ARHGEF38: variants seen among roughly 807,000 people sequenced by gnomAD.
ARHGEF38 encodes Rho guanine nucleotide exchange factor (GEF) 38.
A neutral mutation model predicts 79.9 loss-of-function variants in ARHGEF38; 79 were observed. That is an observed-to-expected ratio of 0.99 (90% CI 0.82 to 1.19). The LOEUF (loss-of-function observed/expected upper bound fraction) is 1.19. Ranked by LOEUF, ARHGEF38 falls within the 50% of genes most tolerant of loss-of-function variation. The pLI, the probability that ARHGEF38 is intolerant of heterozygous loss-of-function variation, is 0.00. For missense variants in ARHGEF38, 962 were observed against 907.2 expected, an observed-to-expected ratio of 1.06 and a Z score of -0.78; for synonymous variants, 366 against 328.3, an observed-to-expected ratio of 1.11 and a Z score of -1.24.
intron 2 of ARHGEF38, among the ~76,000 whole-genome samples, chr4:105,603,310 T>C (rs1727902240): frequency 6.6e-6 from 1 of 152,110 alleles, no homozygotes; most frequent in South Asian, 2.1e-4. Context: ...AAGTAACTTA[T>C]CCAAAGTCAC....
At chr4:105,571,079 A>T (rs975757318) in intron 1 of ARHGEF38, among the ~76,000 whole-genome samples, 2 of 152,192 alleles carry the variant, frequency 1.3e-5, no homozygotes, top group Non-Finnish European at 2.9e-5. Context: ...AGATGAAAAC[A>T]TTCTGGAGAC....
chr4:105,580,607 G>A (rs1726740009), intron 1 of ARHGEF38, among the ~76,000 whole-genome samples: 1 of 152,128 alleles, frequency 6.6e-6, no homozygotes, highest in Middle Eastern at 3.2e-3. Context: ...AAGGATTTTT[G>A]TACATGTACT....
rs1727205102 is a variant in ARHGEF38 at position 105,589,266 on chromosome 4, G to T, written c.215G>T (p.Gly72Val). The part of the protein sequence containing the change: ...QKLQEKMTPQ[G>V]ECSVAETLTP... ...TTAACAGAAAAGATGACTCCACAGG[G>T]TGAGTGTTCTGTAGCTGAGACCTTA... is the stretch of plus-strand genomic sequence containing the variant. Residue 72 changes from glycine to valine, a missense_variant, in exon 2 of 14, where the codon GGT becomes GTT. Transcript: ENST00000420470. 1 of 1,613,482 alleles carries T rather than the reference G, an allele frequency of 6.2e-7. No individual in the cohort carries two copies. The highest frequency in any genetic ancestry group is 8.5e-7 in the Non-Finnish European group (1 of 1,179,822).
intron 2 of ARHGEF38, among the ~76,000 whole-genome samples, chr4:105,595,906 A>G (rs897573812): frequency 6.6e-6 from 1 of 152,230 alleles, no homozygotes; most frequent in African/African-American, 2.4e-5. Context: ...ATGGAACTCA[A>G]GGATTCAGAG....
intron 13 of ARHGEF38, among the ~76,000 whole-genome samples, chr4:105,671,135 A>T (rs536965126): frequency 1.6e-4 from 25 of 152,310 alleles, no homozygotes; most frequent in Non-Finnish European, 3.2e-4. Flanking sequence ...TTTCCTCTGC[A>T]TTTGGCACCA....
chr4:105,666,795 T>C (rs558726640), intron 11 of ARHGEF38, among the ~76,000 whole-genome samples: 6 of 152,208 alleles, frequency 3.9e-5, no homozygotes, highest in Non-Finnish European at 8.8e-5. Flanking sequence ...TTTACTTAGC[T>C]GAATACTTAA....
intron 2 of ARHGEF38, among the ~76,000 whole-genome samples, chr4:105,590,122 GGAAGGAAA>G (rs1489544646): frequency 8.5e-4 from 105 of 123,088 alleles, no homozygotes; most frequent in African/African-American, 3.1e-3. Flanking sequence ...AAGGAAGGAA[GGAAGGAAA>G]GAAAGAAAAA....
intron 1 of ARHGEF38, among the ~76,000 whole-genome samples, chr4:105,558,460 T>C (rs2110391197): frequency 6.6e-6 from 1 of 152,278 alleles, no homozygotes. Context: ...TACAGTGAAA[T>C]GGGAAGTATT....
At chr4:105,575,384 A>T (rs1726447845) in intron 1 of ARHGEF38, among the ~76,000 whole-genome samples, 1 of 151,932 alleles carries the variant, frequency 6.6e-6, no homozygotes, top group African/African-American at 2.4e-5. Context: ...TTGTGGCTTT[A>T]ATTTGCATTT....
intron 3 of ARHGEF38, 30 bp downstream of exon 3, chr4:105,613,537 A>G (rs753213007): frequency 1.9e-6 from 3 of 1,602,406 alleles, no homozygotes; most frequent in Non-Finnish European, 2.6e-6. Context: ...GAGTTCTACA[A>G]TACAACAGGA....
chr4:105,554,515 G>A lies in ARHGEF38; in HGVS notation c.196+1554G>A, dbSNP rs573496385. Among the ~76,000 whole-genome samples the A allele has an allele frequency of 2.0e-5, 3 of 152,274 alleles. No individual in the cohort carries two copies. In the South Asian group the frequency reaches 6.2e-4, roughly 32 times the overall value. The stretch of plus-strand genomic sequence containing the variant: ...GATAATGGCCTCCGGTTGTATCCAT[G>A]TTGCTGTAAAGGACATGATTTTGTT... On this transcript the variant is annotated intron_variant, in intron 1 of 13. Coordinates refer to ENST00000420470, the MANE Select transcript of ARHGEF38 (RefSeq NM_001242729.2).
At chr4:105,598,644 C>A (rs780989322) in intron 2 of ARHGEF38, among the ~76,000 whole-genome samples, 34 of 151,914 alleles carry the variant, frequency 2.2e-4, no homozygotes, top group Non-Finnish European at 4.0e-4. Context: ...ACAAAAAATC[C>A]TGTAATCTGT....
chr4:105,602,036 A>G (rs1289533181), intron 2 of ARHGEF38, among the ~76,000 whole-genome samples: 1 of 152,148 alleles, frequency 6.6e-6, no homozygotes, highest in East Asian at 1.9e-4. Flanking sequence ...TATGGATTGA[A>G]AAAGAAATGA....
intron 10 of ARHGEF38, among the ~76,000 whole-genome samples, chr4:105,663,840 C>T (rs1477373645): frequency 1.3e-5 from 2 of 152,030 alleles, no homozygotes; most frequent in African/African-American, 2.4e-5. Context: ...TGTGGTGGCA[C>T]ATGCCTGTAA....
intron 3 of ARHGEF38, among the ~76,000 whole-genome samples, chr4:105,628,064 G>T (rs1338823933): frequency 6.6e-6 from 1 of 151,960 alleles, no homozygotes; most frequent in Non-Finnish European, 1.5e-5. Flanking sequence ...TAAAGTAAGA[G>T]CTATAAATTC....
At chr4:105,581,350 A>G (rs1726782094) in intron 1 of ARHGEF38, among the ~76,000 whole-genome samples, 1 of 152,128 alleles carries the variant, frequency 6.6e-6, no homozygotes, top group African/African-American at 2.4e-5. Flanking sequence ...AAAAGCTCCC[A>G]GCTTTGAGCA....
rs1189133230 is a variant in ARHGEF38, at chr4:105,679,280, A to G, written c.*1343A>G. 2.2e-5 allele frequency: 16 copies of G among 711,354 alleles called. No individual in the cohort carries two copies. The highest frequency in any genetic ancestry group is 3.6e-5 in the African/African-American group (2 of 56,156). 44.1% of individuals were successfully genotyped at this position (711,354 alleles called of 1,614,324 possible). On this transcript the variant is annotated 3_prime_UTR_variant, in exon 14 of 14. Transcript: ENST00000420470. ...AGGTAATTTAGCTGGCACTGAGAGT[A>G]TCCAGCCGGAATCATGCCACTTTGC... is the stretch of plus-strand genomic sequence containing the variant.
chr4:105,661,178 A>G (rs1730547562), intron 10 of ARHGEF38, among the ~76,000 whole-genome samples: 1 of 152,306 alleles, frequency 6.6e-6, no homozygotes, highest in East Asian at 1.9e-4. Context: ...TTTTATCGCC[A>G]AATAACATTC....
chr4:105,649,944 C>T (rs1730030358), intron 7 of ARHGEF38, among the ~76,000 whole-genome samples: 1 of 152,226 alleles, frequency 6.6e-6, no homozygotes, highest in Non-Finnish European at 1.5e-5. Flanking sequence ...GGGCACATAA[C>T]AAATTCAATG....
Sources: gnomAD v4.1 joint callset for allele counts (sites outside exome capture counted in the v4.1 genomes callset) on GRCh38, gnomAD v4.1.1 for gene constraint, MANE v1.5 for transcripts, NCBI Gene and HGNC (gene_info 2026-07-23, HGNC 2026-07-21) for gene names.